The following ACYP2 variants were observed in gnomAD, a reference collection of about 807,000 sequenced individuals.
ACYP2 encodes the protein acylphosphatase 2.
A neutral mutation model predicts 11.2 loss-of-function variants in ACYP2; 12 were observed. The observed-to-expected ratio is 1.08, with a 90% CI of 0.69 to 1.74. ACYP2 has a LOEUF of 1.74. ACYP2 is among the 40% of genes most tolerant of loss of function. The probability of loss-of-function intolerance (pLI) is 0.00; values close to 1 mark genes in which losing one functional copy is unlikely to be tolerated. For missense variants in ACYP2, 134 were observed against 101.9 expected (o/e 1.31, Z -1.35); for synonymous variants, 43 against 32.2 (o/e 1.33, Z -1.13).
chr2:54,135,301 T>C (rs1681156164), intron 4 of ACYP2, 152 bp from the exon 2 acceptor site: 1 of 655,482 alleles, frequency 1.5e-6, no homozygotes, highest in Non-Finnish European at 2.6e-6. Flanking sequence ...AATTTAATAT[T>C]GTAGGACCAC....
intron 6 of ACYP2, among the ~76,000 whole-genome samples, chr2:54,201,594 C>CTTTCTTT (rs57144917): frequency 0.01 from 965 of 94,466 alleles, 26 homozygotes; most frequent in Middle Eastern, 0.019. Flanking sequence ...TTCTTTCTTT[C>CTTTCTTT]TCTTTCTTTC....
In ACYP2 at chr2:54,116,143, T is replaced by TAGGA. The variant is rs1679778719; in HGVS notation, c.278-19305_278-19302dup. ...AGCTACCTGGGCTTGACTTGAGTTT[T>TAGGA]AGGAAGGACACTTAGATGGTTTAAG... On this transcript the variant is annotated intron_variant, in intron 4 of 6. Coordinates refer to ENST00000607452, the MANE Select transcript of ACYP2 (RefSeq NM_001320586.2). Among the ~76,000 whole-genome samples the TAGGA allele has an allele frequency of 3.3e-5, 5 of 152,172 alleles. No individual in the cohort carries two copies. In the South Asian group the frequency reaches 1.0e-3, roughly 32 times the overall value.
intron 6 of ACYP2, among the ~76,000 whole-genome samples, chr2:54,211,794 GC>G (rs1292195053): frequency 6.6e-6 from 1 of 152,098 alleles, no homozygotes; most frequent in African/African-American, 2.4e-5. Flanking sequence ...CAACTTTAAG[GC>G]TCATTATTTC....
At chr2:54,027,786 C>T (rs1451199199) in intron 2 of ACYP2, among the ~76,000 whole-genome samples, 4 of 151,622 alleles carry the variant, frequency 2.6e-5, no homozygotes, top group African/African-American at 9.7e-5. Flanking sequence ...GTTTCAGAAC[C>T]CCATCTAGGA....
Position 54,254,987 on chromosome 2 carries a change from TATG to T in ACYP2, c.405-49700_405-49698del, listed in dbSNP as rs768092146. 3.1e-6 allele frequency: 5 copies of T among 1,614,072 alleles called. No homozygotes were observed. The South Asian group carries it at 5.5e-5, about 18-fold the overall frequency. On this transcript the variant is annotated intron_variant, in intron 6 of 6. Transcript: ENST00000607452. ...TCCCTTACCAGGCGACGTCTAGCTC[TATG>T]GGCGTCTTCACCCAACAGGTAGTAC...
At chr2:54,073,827 A>G (rs2103652800) in intron 4 of ACYP2, among the ~76,000 whole-genome samples, 1 of 152,342 alleles carries the variant, frequency 6.6e-6, no homozygotes, top group Admixed American at 6.5e-5. Context: ...CAAAACTACA[A>G]AGAGATACCA....
chr2:54,141,794 C>A, intron 6 of ACYP2: 1 of 464,934 alleles, frequency 2.2e-6, no homozygotes, highest in Non-Finnish European at 3.9e-6. Context: ...AAAAAGAAAA[C>A]TTACATGATT....
At chr2:54,227,921 T>A (rs974877708) in intron 6 of ACYP2, among the ~76,000 whole-genome samples, 1 of 152,240 alleles carries the variant, frequency 6.6e-6, no homozygotes, top group Non-Finnish European at 1.5e-5. Context: ...TATTTTGGCC[T>A]GATTTTACAT....
At chr2:54,191,697 G>A (rs978041703) in intron 6 of ACYP2, among the ~76,000 whole-genome samples, 2 of 152,152 alleles carry the variant, frequency 1.3e-5, no homozygotes, top group African/African-American at 2.4e-5. Context: ...ATTACTGGAG[G>A]TGTCCATATA....
intron 6 of ACYP2, among the ~76,000 whole-genome samples, chr2:54,265,494 T>C (rs1466328644): frequency 6.6e-6 from 1 of 152,130 alleles, no homozygotes; most frequent in Non-Finnish European, 1.5e-5. Context: ...AGCCAAACCA[T>C]ATCAGCATCC....
At chr2:53,995,186 A>G (rs1342268943) in intron 2 of ACYP2, among the ~76,000 whole-genome samples, 4 of 152,188 alleles carry the variant, frequency 2.6e-5, no homozygotes, top group South Asian at 2.1e-4. Flanking sequence ...CTGCCCATCT[A>G]TCCCATTATG....
intron 2 of ACYP2, among the ~76,000 whole-genome samples, chr2:54,047,867 C>T (rs573703059): frequency 1.3e-5 from 2 of 152,144 alleles, no homozygotes; most frequent in Non-Finnish European, 2.9e-5. Context: ...GAAATTGTCT[C>T]CTCAAGAGTT....
At chr2:54,299,106 G>T (rs753622159) in intron 6 of ACYP2, among the ~76,000 whole-genome samples, 3 of 152,214 alleles carry the variant, frequency 2.0e-5, no homozygotes, top group Non-Finnish European at 4.4e-5. Context: ...CTGAAGACAG[G>T]GATTCAGTGA....
chr2:54,237,127 T>A (rs1188143940), intron 6 of ACYP2, among the ~76,000 whole-genome samples: 2 of 152,208 alleles, frequency 1.3e-5, no homozygotes, highest in Non-Finnish European at 2.9e-5. Flanking sequence ...TGGGAATACA[T>A]TATATGCAAA....
intron 6 of ACYP2, among the ~76,000 whole-genome samples, chr2:54,208,367 A>G (rs950974458): frequency 6.6e-6 from 1 of 151,630 alleles, no homozygotes; most frequent in African/African-American, 2.4e-5. Context: ...ACTTCCATCT[A>G]TGTTTTTCTT....
chr2:54,093,647 T>C (rs1678352370), intron 4 of ACYP2, among the ~76,000 whole-genome samples: 1 of 152,136 alleles, frequency 6.6e-6, no homozygotes, highest in African/African-American at 2.4e-5. Context: ...TGATATTAAA[T>C]AAAAACCACT....
chr2:54,222,730 C>T (rs936692370), intron 6 of ACYP2, among the ~76,000 whole-genome samples: 18 of 152,110 alleles, frequency 1.2e-4, no homozygotes, highest in Admixed American at 2.6e-4. Flanking sequence ...TGAAGCTGTC[C>T]GTACAATTTC....
chr2:54,145,108 C>A (rs1490316528), intron 6 of ACYP2, among the ~76,000 whole-genome samples: 1 of 152,092 alleles, frequency 6.6e-6, no homozygotes, highest in African/African-American at 2.4e-5. Context: ...TGAACTAATA[C>A]TGTAACTAAT....
At chr2:54,269,615 A>G (rs555402546) in intron 6 of ACYP2, among the ~76,000 whole-genome samples, 1 of 152,314 alleles carries the variant, frequency 6.6e-6, no homozygotes, top group East Asian at 1.9e-4. Flanking sequence ...GCATGGTGAA[A>G]GATCGTAACT....
Sources: gnomAD v4.1 joint callset for allele counts (sites outside exome capture counted in the v4.1 genomes callset) on GRCh38, gnomAD v4.1.1 for gene constraint, MANE v1.5 for transcripts, NCBI Gene and HGNC (gene_info 2026-07-23, HGNC 2026-07-21) for gene names.